The following PLOD2 variants were observed in gnomAD, a reference collection of about 807,000 sequenced individuals.
PLOD2 encodes the protein procollagen-lysine,2-oxoglutarate 5-dioxygenase 2.
In PLOD2, 65 loss-of-function variants were observed where a neutral mutation model predicts 101.0. That is an observed-to-expected ratio of 0.64 (90% CI 0.53 to 0.79). PLOD2 has a LOEUF of 0.79. Ranked by LOEUF, PLOD2 falls within the 30% of genes least tolerant of loss-of-function variation. The probability of loss-of-function intolerance (pLI) is 0.00; values close to 1 mark genes in which losing one functional copy is unlikely to be tolerated. For synonymous variants in PLOD2, 314 were observed against 302.9 expected (o/e 1.04, Z -0.38); for missense variants, 909 against 914.6 (o/e 0.99, Z 0.08).
At chr3:146,144,692 T>C (rs951993285) in intron 1 of PLOD2, among the ~76,000 whole-genome samples, 1 of 152,060 alleles carries the variant, frequency 6.6e-6, no homozygotes, top group Non-Finnish European at 1.5e-5. Context: ...GATATAAAAA[T>C]GTTACTTAAA....
chr3:146,099,617 C>T (rs1343986726), intron 7 of PLOD2, among the ~76,000 whole-genome samples: 1 of 151,696 alleles, frequency 6.6e-6, no homozygotes, highest in Non-Finnish European at 1.5e-5. Context: ...TGGCCAGTCT[C>T]GAACTCCTGG....
chr3:146,161,080 G>C lies in PLOD2; in HGVS notation c.-91C>G, dbSNP rs1250178888. Reference sequence around the variant, plus strand: ...GAACGCAGAGACCCGGGTCCGCCCTGAGCCGCCGATTGCGGGCGGGAGCCG... The same window carrying C: ...GAACGCAGAGACCCGGGTCCGCCCTCAGCCGCCGATTGCGGGCGGGAGCCG... On this transcript the variant is annotated 5_prime_UTR_variant, in exon 1 of 20. Coordinates refer to ENST00000282903, the MANE Select transcript of PLOD2 (RefSeq NM_182943.3). The C allele has an allele frequency of 4.9e-6, 4 of 812,878 alleles. No individual in the cohort carries two copies. In the Middle Eastern group the frequency reaches 1.5e-3, roughly 307 times the overall value. The allele number at this position is 812,878 out of a possible 1,614,324, so 50.4% of individuals were successfully genotyped here.
intron 4 of PLOD2, among the ~76,000 whole-genome samples, chr3:146,108,350 T>A (rs570144991): frequency 9.7e-4 from 147 of 151,580 alleles, no homozygotes; most frequent in African/African-American, 3.3e-3. Context: ...CCAGATAATT[T>A]AAAAAAAAAT....
intron 7 of PLOD2, among the ~76,000 whole-genome samples, chr3:146,097,326 T>C (rs1264004103): frequency 6.8e-6 from 1 of 146,346 alleles, no homozygotes; most frequent in Non-Finnish European, 1.5e-5. Context: ...GGATGGGCCA[T>C]GATGACAATG....
At chr3:146,113,035 T>C (rs993716803) in intron 3 of PLOD2, among the ~76,000 whole-genome samples, 2 of 152,190 alleles carry the variant, frequency 1.3e-5, no homozygotes, top group African/African-American at 4.8e-5. Context: ...TGAGTGAATA[T>C]TTTTTGTCTT....
At chr3:146,132,587 G>C (rs967110136) in intron 1 of PLOD2, among the ~76,000 whole-genome samples, 1 of 151,358 alleles carries the variant, frequency 6.6e-6, no homozygotes, top group Non-Finnish European at 1.5e-5. Flanking sequence ...CCAACATTAA[G>C]AACTTTTTTT....
At chr3:146,077,783 A>C in intron 14 of PLOD2, 79 bp downstream of exon 14, 1 of 801,834 alleles carries the variant, frequency 1.2e-6, no homozygotes, top group South Asian at 1.6e-5. Flanking sequence ...TAAGGCCCTT[A>C]AAGAAACTTT....
intron 3 of PLOD2, among the ~76,000 whole-genome samples, 157 bp downstream of exon 3, chr3:146,120,955 T>C (rs2030086161): frequency 6.6e-6 from 1 of 152,120 alleles, no homozygotes; most frequent in African/African-American, 2.4e-5. Context: ...ACTCCTGACC[T>C]TGTGATCCAG....
chr3:146,150,392 CA>C (rs1185189162), intron 1 of PLOD2, among the ~76,000 whole-genome samples: 1 of 149,756 alleles, frequency 6.7e-6, no homozygotes. Flanking sequence ...TCTACGTAGC[CA>C]TTAAAAAAAA....
intron 4 of PLOD2, among the ~76,000 whole-genome samples, chr3:146,107,456 T>C (rs1371821682): frequency 2.0e-5 from 3 of 152,122 alleles, no homozygotes; most frequent in Admixed American, 1.3e-4. Context: ...ATGTTACTCC[T>C]GTGAGTTGAA....
At chr3:146,100,621 G>A (rs1275126047) in intron 7 of PLOD2, among the ~76,000 whole-genome samples, 3 of 152,200 alleles carry the variant, frequency 2.0e-5, no homozygotes, top group Non-Finnish European at 4.4e-5. Flanking sequence ...AAGATTTGTA[G>A]ACACAGCAAC....
chr3:146,143,429 T>C (rs1559870830), intron 1 of PLOD2, among the ~76,000 whole-genome samples: 1 of 151,984 alleles, frequency 6.6e-6, no homozygotes, highest in South Asian at 2.1e-4. Flanking sequence ...TTCTCTCACA[T>C]TCCCCATCTA....
chr3:146,071,260 G>T lies in PLOD2; in HGVS notation c.1995+17C>A. The T allele has an allele frequency of 6.2e-7, 1 of 1,611,640 alleles. No individual in the cohort carries two copies. The highest frequency in any genetic ancestry group is 8.5e-7 in the Non-Finnish European group (1 of 1,178,382). On this transcript the variant is annotated intron_variant, in intron 18 of 19. Transcript: ENST00000282903. ...AAATGGGTAAGAAATAGGCTGGAGGGGTGAGAGGATAACTACCTTCGTATA... is the reference window on the plus strand; with the variant it reads ...AAATGGGTAAGAAATAGGCTGGAGGTGTGAGAGGATAACTACCTTCGTATA...
chr3:146,157,071 T>C (rs2032332825), intron 1 of PLOD2, among the ~76,000 whole-genome samples: 1 of 152,160 alleles, frequency 6.6e-6, no homozygotes, highest in African/African-American at 2.4e-5. Flanking sequence ...TTCTAAGCTG[T>C]TAAATCATGT....
At chr3:146,083,730 C>T (rs1191307575) in intron 11 of PLOD2, among the ~76,000 whole-genome samples, 29 of 151,716 alleles carry the variant, frequency 1.9e-4, no homozygotes, top group Admixed American at 1.6e-3. Context: ...TACAGGTGCC[C>T]GCTACCACGC....
intron 5 of PLOD2, chr3:146,104,945 T>G (rs2108058680): frequency 6.6e-6 from 1 of 152,412 alleles, no homozygotes; most frequent in African/African-American, 2.4e-5. Flanking sequence ...AAGAGAGTGA[T>G]GAAACTGAGA....
intron 1 of PLOD2, among the ~76,000 whole-genome samples, chr3:146,158,921 G>A (rs1214296407): frequency 1.3e-5 from 2 of 152,030 alleles, no homozygotes; most frequent in Admixed American, 1.3e-4. Context: ...GACAATTTAG[G>A]GTCCTATAGA....
At chr3:146,105,484 A>T (rs527699399) in intron 5 of PLOD2, among the ~76,000 whole-genome samples, 15 of 152,190 alleles carry the variant, frequency 9.9e-5, no homozygotes, top group Non-Finnish European at 1.9e-4. Flanking sequence ...TTTGGCTTCA[A>T]TGTTTTCTCA....
Position 146,144,287 on chromosome 3 carries a change from A to G in PLOD2, c.109+16594T>C, listed in dbSNP as rs978214042. Among the ~76,000 whole-genome samples the G allele has an allele frequency of 1.3e-5, 2 of 152,198 alleles. 1 individual carries two copies. The highest frequency in any genetic ancestry group is 4.1e-4 in the South Asian group (2 of 4,830). On this transcript the variant is annotated intron_variant, in intron 1 of 19. Coordinates refer to ENST00000282903, the MANE Select transcript of PLOD2 (RefSeq NM_182943.3). ...AAACAGAAGTGGCAAAAAATATTTT[A>G]GCAAGTAAATAAATCACTATAAATT... is the stretch of plus-strand genomic sequence containing the variant.
Sources: gnomAD v4.1 joint callset for allele counts (sites outside exome capture counted in the v4.1 genomes callset) on GRCh38, gnomAD v4.1.1 for gene constraint, MANE v1.5 for transcripts, NCBI Gene and HGNC (gene_info 2026-07-23, HGNC 2026-07-21) for gene names.